Variants in RPGRIP1 observed in about 807,000 individuals in gnomAD.
RPGRIP1 encodes X-linked retinitis pigmentosa GTPase regulator-interacting protein 1.
RPGRIP1 carries 128 observed loss-of-function variants against 157.9 expected under a neutral mutation model. The observed-to-expected ratio is 0.81, with a 90% CI of 0.70 to 0.94. The LOEUF is 0.94. Among genes scored for constraint, RPGRIP1 ranks in the 40% least tolerant of loss-of-function variants. The pLI, the probability that RPGRIP1 is intolerant of heterozygous loss-of-function variation, is 0.00. For missense variants in RPGRIP1, 1,486 were observed against 1,545.8 expected, an observed-to-expected ratio of 0.96 and a Z score of 0.65; for synonymous variants, 554 against 571.6, an observed-to-expected ratio of 0.97 and a Z score of 0.44.
intron 21 of RPGRIP1, among the ~76,000 whole-genome samples, chr14:21,341,919 G>A (rs1406134828): frequency 6.6e-6 from 1 of 151,990 alleles, no homozygotes; most frequent in Non-Finnish European, 1.5e-5. Flanking sequence ...GTGTGGTGGC[G>A]GGTGCCTGTA....
In RPGRIP1 at chr14:21,320,094, G is replaced by T; in HGVS notation, c.1384G>T (p.Ala462Ser). 6.2e-7 allele frequency: 1 copy of T among 1,613,662 alleles called. No homozygotes were observed. Among genetic ancestry groups the T allele is most frequent in the Non-Finnish European group, 8.5e-7 (1 of 1,179,752 alleles). Residue 462 changes from alanine (A) to serine (S), a missense_variant, in exon 12 of 25, where the codon GCA (alanine) becomes TCA (serine). Transcript: ENST00000400017. ...HKQEVELLQN[A>S]ATISQPPDRQ... The stretch of plus-strand genomic sequence containing the variant: ...ACAGGAAGTAGAGCTCCTCCAAAAT[G>T]CAGCCACAATTTCCCAACCTCCTGA...
intron 2 of RPGRIP1, among the ~76,000 whole-genome samples, chr14:21,294,233 GTT>G (rs34091174): frequency 2.2e-4 from 32 of 144,006 alleles, no homozygotes; most frequent in African/African-American, 5.1e-4. Flanking sequence ...TTCTGTTTTT[GTT>G]TTTTTTTTTT....
intron 20 of RPGRIP1, among the ~76,000 whole-genome samples, chr14:21,330,656 G>T (rs1293649567): frequency 6.6e-6 from 1 of 151,916 alleles, no homozygotes; most frequent in Non-Finnish European, 1.5e-5. Flanking sequence ...GCGACAGAGC[G>T]AGACTCCATC....
At chr14:21,319,992 A>G in intron 11 of RPGRIP1, 25 bp from the exon 12 acceptor site, 1 of 1,592,520 alleles carries the variant, frequency 6.3e-7, no homozygotes, top group Non-Finnish European at 8.6e-7. Context: ...ACAGAATTTC[A>G]CATTTCTGGA....
At chr14:21,300,587 ATT>A (rs1880979684) in intron 3 of RPGRIP1, among the ~76,000 whole-genome samples, 1 of 151,848 alleles carries the variant, frequency 6.6e-6, no homozygotes, top group African/African-American at 2.4e-5. Flanking sequence ...TGTTATTTAT[ATT>A]TGTCACCCAT....
rs1022854579 is a variant in RPGRIP1 at position 21,322,152 on chromosome 14, G to T, written c.1762+148G>T. The stretch of plus-strand genomic sequence containing the variant: ...TGTTCTTTATCCTATCATTTTTGTT[G>T]TTTTTTTTTGCTTGTTTGCTTTTGA... On this transcript the variant is annotated intron_variant, in intron 14 of 24. Transcript: ENST00000400017. The T allele has an allele frequency of 9.8e-6, 6 of 613,442 alleles. No homozygotes were observed. In the East Asian group the frequency reaches 1.6e-4, roughly 17 times the overall value. 38.0% of individuals were successfully genotyped at this position (613,442 alleles called of 1,614,324 possible).
Position 21,316,312 on chromosome 14 carries a change from A to G in RPGRIP1, c.1152-1384A>G, listed in dbSNP as rs370804482. 3.9e-5 allele frequency among the ~76,000 whole-genome samples: 6 copies of G among 152,102 alleles called. No individual in the cohort carries two copies. The East Asian group carries it at 1.2e-3, about 29-fold the overall frequency. On this transcript the variant is annotated intron_variant, in intron 10 of 24. Coordinates refer to ENST00000400017, the MANE Select transcript of RPGRIP1 (RefSeq NM_020366.4). ...TTTTTAATGGAGATGGGGTTTCACC[A>G]TGTTGGCCAGGCTGGCCTCGAACCC...
At chr14:21,290,696 G>A (rs12884370) in intron 2 of RPGRIP1, among the ~76,000 whole-genome samples, 41,422 of 151,912 alleles carry the variant, frequency 0.27, 5,884 homozygotes, top group South Asian at 0.31. Context: ...GCGGGCGCCT[G>A]TATTCCCAGC....
intron 13 of RPGRIP1, 137 bp downstream of exon 13, chr14:21,321,539 C>G: frequency 6.9e-7 from 1 of 1,442,972 alleles, no homozygotes; most frequent in Non-Finnish European, 9.1e-7. Flanking sequence ...CACACAATGG[C>G]TGTCCTTTGA....
chr14:21,345,900 A>C (rs1387585017), intron 23 of RPGRIP1, among the ~76,000 whole-genome samples: 1 of 151,628 alleles, frequency 6.6e-6, no homozygotes. Context: ...GCTCACTGCA[A>C]CCTCCACCTC....
At chr14:21,305,187 C>T (rs80256275) in intron 6 of RPGRIP1, among the ~76,000 whole-genome samples, 1 of 152,200 alleles carries the variant, frequency 6.6e-6, no homozygotes, top group Admixed American at 6.5e-5. Context: ...TTTACTCCCC[C>T]AAAAGTCCTC....
In RPGRIP1 at chr14:21,325,938, G is replaced by C. The variant is rs1472451898; in HGVS notation, c.2475G>C (p.Val825=). The C allele has an allele frequency of 6.2e-7, 1 of 1,613,960 alleles. No individual in the cohort carries two copies. The highest frequency in any genetic ancestry group is 1.7e-5 in the Admixed American group (1 of 60,006). The part of the protein sequence containing the change: ...WLGTQPSPYA[V]YRFFTFSDHD... The stretch of plus-strand genomic sequence containing the variant: ...GAACTCAACCCAGTCCATATGCTGT[G>C]TACCGCTTCTTCACCTTTTCTGACC... The change falls in exon 17 of 25, where the codon GTG becomes GTC. Residue 825 remains valine, a synonymous_variant. Transcript: ENST00000400017.
Position 21,320,653 on chromosome 14 carries a change from G to A in RPGRIP1, c.1467+476G>A, listed in dbSNP as rs1323447314. ...TTGCTCTTGTTTCCCAGGCTGGAGTGCAATGGCGCGATCTCGGCTCACTAC... is the reference window on the plus strand; with the variant it reads ...TTGCTCTTGTTTCCCAGGCTGGAGTACAATGGCGCGATCTCGGCTCACTAC... On this transcript the variant is annotated intron_variant, in intron 12 of 24. Transcript: ENST00000400017. 4.9e-5 allele frequency among the ~76,000 whole-genome samples: 7 copies of A among 144,314 alleles called. No homozygotes were observed. The Admixed American group carries it at 5.0e-4, about 10-fold the overall frequency. The allele number at this position is 144,314 out of a possible 152,430, so 94.7% of individuals were successfully genotyped here.
At chr14:21,308,614 A>G (rs1003459845) in intron 7 of RPGRIP1, among the ~76,000 whole-genome samples, 2 of 152,180 alleles carry the variant, frequency 1.3e-5, no homozygotes, top group African/African-American at 4.8e-5. Context: ...TCTCACGCGA[A>G]TTAGATAAAA....
intron 1 of RPGRIP1, among the ~76,000 whole-genome samples, chr14:21,286,162 T>G (rs1308387562): frequency 6.6e-6 from 1 of 151,986 alleles, no homozygotes; most frequent in Non-Finnish European, 1.5e-5. Context: ...GCTAATTTTT[T>G]GTATTTTTAG....
chr14:21,330,826 T>C (rs1288280117), intron 20 of RPGRIP1, among the ~76,000 whole-genome samples: 2 of 152,192 alleles, frequency 1.3e-5, no homozygotes, highest in Non-Finnish European at 2.9e-5. Flanking sequence ...AGTGTGATGG[T>C]TGGGTTAACC....
rs1426100423 is a variant in RPGRIP1, at chr14:21,325,693, AG to A, written c.2368-137del. ...CCAGAGCCAGTTTGCAGGCAGGTGA[AG>A]ATCATTAGGTTTCTTCCTGATCCAG... On this transcript the variant is annotated intron_variant, in intron 16 of 24. Coordinates refer to ENST00000400017, the MANE Select transcript of RPGRIP1 (RefSeq NM_020366.4). 6 of 709,536 alleles carry A rather than the reference AG, an allele frequency of 8.5e-6. No individual in the cohort carries two copies. The African/African-American group carries it at 1.1e-4, about 13-fold the overall frequency. The allele number at this position is 709,536 out of a possible 1,614,324, so 44.0% of individuals were successfully genotyped here.
chr14:21,309,083 G>C (rs868353010), intron 7 of RPGRIP1, among the ~76,000 whole-genome samples: 1 of 152,238 alleles, frequency 6.6e-6, no homozygotes, highest in Admixed American at 6.5e-5. Flanking sequence ...CCGGCTGTAA[G>C]AGCCAGGGCT....
intron 14 of RPGRIP1, chr14:21,323,963 C>T (rs1472295715): frequency 6.5e-6 from 1 of 154,694 alleles, no homozygotes; most frequent in Non-Finnish European, 1.4e-5. Flanking sequence ...GGAGATAATA[C>T]CCAGATTTGC....
Sources: allele counts gnomAD v4.1 joint callset (sites outside exome capture counted in the v4.1 genomes callset), GRCh38; gene constraint gnomAD v4.1.1; transcripts MANE v1.5; gene names NCBI Gene and HGNC (gene_info 2026-07-23, HGNC 2026-07-21).